DNAJC10: variants seen among roughly 807,000 people sequenced by gnomAD.
DNAJC10 encodes the protein endoplasmic reticulum disulfide reductase DNAJC10.
DNAJC10 carries 101 observed loss-of-function variants against 115.0 expected under a neutral mutation model. The ratio of observed to expected loss-of-function variants is 0.88; its 90% CI spans 0.75 to 1.04. The LOEUF is 1.04. DNAJC10 is among the 50% of genes least tolerant of loss of function. The pLI is 0.00. For missense variants in DNAJC10, 981 were observed against 928.8 expected, an observed-to-expected ratio of 1.06 and a Z score of -0.73; for synonymous variants, 307 against 301.5, an observed-to-expected ratio of 1.02 and a Z score of -0.19.
At chr2:182,748,225 C>G (rs1446135971) in intron 14 of DNAJC10, among the ~76,000 whole-genome samples, 14 of 151,528 alleles carry the variant, frequency 9.2e-5, no homozygotes, top group Non-Finnish European at 1.6e-4. Flanking sequence ...GCTTTGGTAT[C>G]AGGATGATGC....
intron 22 of DNAJC10, among the ~76,000 whole-genome samples, chr2:182,769,747 A>G (rs368344515): frequency 6.6e-6 from 1 of 152,178 alleles, no homozygotes; most frequent in Non-Finnish European, 1.5e-5. Context: ...TAGATTGCCA[A>G]CATTTTCTCC....
intron 5 of DNAJC10, among the ~76,000 whole-genome samples, chr2:182,722,392 A>G (rs1442565752): frequency 6.6e-6 from 1 of 152,132 alleles, no homozygotes; most frequent in Non-Finnish European, 1.5e-5. Flanking sequence ...TTGATTTTAG[A>G]GTTTTGGATA....
At chr2:182,721,995 T>C (rs1693162104) in intron 4 of DNAJC10, 30 bp from the exon 5 acceptor site, 1 of 1,307,042 alleles carries the variant, frequency 7.7e-7, no homozygotes, top group East Asian at 2.6e-5. Flanking sequence ...AAGTTTTGAT[T>C]TTATAATTTT....
intron 14 of DNAJC10, among the ~76,000 whole-genome samples, chr2:182,748,400 A>T (rs1464195977): frequency 6.6e-6 from 1 of 152,158 alleles, no homozygotes; most frequent in East Asian, 1.9e-4. Context: ...TATTGCCACA[A>T]TTTCAGCTCC....
Position 182,782,145 on chromosome 2 carries a change from A to C in DNAJC10, c.*5013A>C, listed in dbSNP as rs1361268381. 6.6e-6 allele frequency: 1 copy of C among 152,170 alleles called. No homozygotes were observed. Among genetic ancestry groups the C allele is most frequent in the Admixed American group, 6.5e-5 (1 of 15,270 alleles). The allele number at this position is 152,170 out of a possible 1,614,324, so 9.4% of individuals were successfully genotyped here. On this transcript the variant is annotated 3_prime_UTR_variant, in exon 24 of 24. Coordinates refer to ENST00000264065, the MANE Select transcript of DNAJC10 (RefSeq NM_018981.4). ...ATATAAGGTGTAAGGAAGGGGTCCC[A>C]GTTTCAGTTTTCTACATGTGGCTAG...
In DNAJC10 at chr2:182,741,369, T is replaced by C; in HGVS notation, c.1191+13T>C. On this transcript the variant is annotated intron_variant, in intron 13 of 23. Coordinates refer to ENST00000264065, the MANE Select transcript of DNAJC10 (RefSeq NM_018981.4). ...TGATCATATTCAAGTAAGAAAAATG[T>C]ATTCTGCCTAGCCTTCTGCTGGTGT... 1 of 1,357,464 alleles carries C rather than the reference T, an allele frequency of 7.4e-7. No homozygotes were observed. Among genetic ancestry groups the C allele is most frequent in the Non-Finnish European group, 1.0e-6 (1 of 969,942 alleles). The allele number at this position is 1,357,464 out of a possible 1,614,324, so 84.1% of individuals were successfully genotyped here. A position where few individuals can be genotyped will look rare whatever the true frequency, so the allele number is the denominator to read the frequency against.
chr2:182,759,616 C>T (rs1305209551), intron 21 of DNAJC10, among the ~76,000 whole-genome samples: 1 of 152,102 alleles, frequency 6.6e-6, no homozygotes, highest in Non-Finnish European at 1.5e-5. Flanking sequence ...GCCCTCCAGG[C>T]AGTTACTAGA....
At chr2:182,740,749 A>C (rs1223795505) in intron 12 of DNAJC10, among the ~76,000 whole-genome samples, 1 of 152,182 alleles carries the variant, frequency 6.6e-6, no homozygotes, top group Non-Finnish European at 1.5e-5. Context: ...TATGGATAGA[A>C]TGCTGAGAAA....
Sources: allele counts gnomAD v4.1 joint callset (sites outside exome capture counted in the v4.1 genomes callset), GRCh38; gene constraint gnomAD v4.1.1; transcripts MANE v1.5; gene names NCBI Gene and HGNC (gene_info 2026-07-23, HGNC 2026-07-21).